The following ADORA2B variants were observed in gnomAD, a reference collection of about 807,000 sequenced individuals.
ADORA2B encodes adenosine receptor A2b.
In ADORA2B, 18 loss-of-function variants were observed where a neutral mutation model predicts 20.8. The observed-to-expected ratio is 0.87, with a 90% CI of 0.60 to 1.29. ADORA2B has a LOEUF of 1.29. ADORA2B is among the 50% of genes most tolerant of loss of function. The pLI is 0.00. For missense variants in ADORA2B, 441 were observed against 422.7 expected (o/e 1.04, Z -0.38); for synonymous variants, 179 against 178.3 (o/e 1.00, Z -0.03).
the ADORA2B span, among the ~76,000 whole-genome samples, chr17:15,895,719 G>T: frequency 1.3e-5 from 2 of 152,202 alleles, no homozygotes; most frequent in Non-Finnish European, 2.9e-5. Context: ...TGTGGCTGCT[G>T]TGTTGGAGAG....
At chr17:15,944,552 C>T (rs1969772735), upstream of ADORA2B, among the ~76,000 whole-genome samples, 2 of 152,022 alleles carry the variant, frequency 1.3e-5, no homozygotes, top group East Asian at 1.9e-4. The surrounding 1 kb of genome is among the most constrained non-coding windows in gnomAD (Gnocchi z 4.8). Context: ...CGCTGAGCCT[C>T]GCTGGGAGGC....
chr17:15,892,641 T>G, the ADORA2B span, among the ~76,000 whole-genome samples: 1 of 147,738 alleles, frequency 6.8e-6, no homozygotes, highest in Admixed American at 6.7e-5. Context: ...CTTTTTTCTT[T>G]TTTTCTTTCT....
At chr17:15,948,879 C>T (rs1168127290) in intron 1 of ADORA2B, among the ~76,000 whole-genome samples, 2 of 151,890 alleles carry the variant, frequency 1.3e-5, no homozygotes, top group Non-Finnish European at 2.9e-5. Flanking sequence ...TAGGAGTTGG[C>T]GGGGGGTTCT....
chr17:15,879,188 C>G, the ADORA2B span, among the ~76,000 whole-genome samples: 1 of 152,160 alleles, frequency 6.6e-6, no homozygotes, highest in Non-Finnish European at 1.5e-5. Context: ...CAGTAGCTCA[C>G]ACCTATAATC....
In ADORA2B at chr17:15,975,282, A is replaced by AGAT. The variant is rs754032994; in HGVS notation, c.941_943dup (p.Asp314dup). ...TCTCCAGGTATCTTCTCTGCCAAGCAGATGTCAAGAGTGGGAATGGTCAGG... is the reference window on the plus strand; with the variant it reads ...TCTCCAGGTATCTTCTCTGCCAAGCAGATGATGTCAAGAGTGGGAATGGTCAGG... On this transcript the variant is annotated inframe_insertion, in exon 2 of 2. Coordinates refer to ENST00000304222, the MANE Select transcript of ADORA2B (RefSeq NM_000676.4). The AGAT allele has an allele frequency of 3.1e-6, 5 of 1,613,576 alleles. No individual in the cohort carries two copies. In the South Asian group the frequency reaches 5.5e-5, roughly 18 times the overall value.
At chr17:15,854,409 G>A in the ADORA2B span, among the ~76,000 whole-genome samples, 1 of 152,214 alleles carries the variant, frequency 6.6e-6, no homozygotes, top group African/African-American at 2.4e-5. Context: ...AATATGTTCA[G>A]TAAAGATTAA....
chr17:15,956,890 G>A (rs567828009), intron 1 of ADORA2B, among the ~76,000 whole-genome samples: 6 of 152,246 alleles, frequency 3.9e-5, no homozygotes, highest in East Asian at 1.9e-4. Flanking sequence ...ATGAGCCACC[G>A]CACCCGGCCT....
chr17:15,891,018 G>A, the ADORA2B span, among the ~76,000 whole-genome samples: 1 of 152,234 alleles, frequency 6.6e-6, no homozygotes, highest in African/African-American at 2.4e-5. Context: ...TGTAATCCCA[G>A]CACTTTGGGA....
the ADORA2B span, among the ~76,000 whole-genome samples, chr17:15,851,711 A>G: frequency 5.3e-5 from 8 of 152,224 alleles, no homozygotes; most frequent in Non-Finnish European, 1.0e-4. Flanking sequence ...CCAGTCTCAT[A>G]TAAGTCAGTA....
chr17:15,901,926 G>A, the ADORA2B span, among the ~76,000 whole-genome samples: 1 of 152,040 alleles, frequency 6.6e-6, no homozygotes, highest in Non-Finnish European at 1.5e-5. Context: ...CAGTTCAGTG[G>A]TATTGAGTCC....
chr17:15,961,164 CAAAA>C (rs60034008), intron 1 of ADORA2B, among the ~76,000 whole-genome samples: 1 of 144,808 alleles, frequency 6.9e-6, no homozygotes, highest in Non-Finnish European at 1.5e-5. Flanking sequence ...GAGACTCTGT[CAAAA>C]AAAAAAAAAG....
At chr17:15,926,910 A>G in the ADORA2B span, among the ~76,000 whole-genome samples, 1 of 151,970 alleles carries the variant, frequency 6.6e-6, no homozygotes, top group Non-Finnish European at 1.5e-5. Context: ...GTTCGAAGCT[A>G]CAGTGAGCCA....
intron 1 of ADORA2B, among the ~76,000 whole-genome samples, chr17:15,968,751 C>T (rs1274889744): frequency 2.6e-5 from 4 of 152,162 alleles, no homozygotes; most frequent in Admixed American, 6.5e-5. Context: ...TTGGCTTCCA[C>T]GTCTGTAAAC....
At chr17:15,906,001 C>A in the ADORA2B span, among the ~76,000 whole-genome samples, 1 of 152,228 alleles carries the variant, frequency 6.6e-6, no homozygotes, top group Non-Finnish European at 1.5e-5. Context: ...CTTTGCTAAA[C>A]CTGCATGTAA....
At chr17:15,923,686 G>A in the ADORA2B span, among the ~76,000 whole-genome samples, 215 of 151,966 alleles carry the variant, frequency 1.4e-3, no homozygotes, top group African/African-American at 5.0e-3. Flanking sequence ...GATTACAAGC[G>A]TGAGCCACCG....
intron 1 of ADORA2B, among the ~76,000 whole-genome samples, chr17:15,948,559 G>T (rs1439242173): frequency 6.6e-6 from 1 of 152,162 alleles, no homozygotes; most frequent in Admixed American, 6.5e-5. Flanking sequence ...CTCCCTGCTT[G>T]AATCCTGTTC....
the ADORA2B span, among the ~76,000 whole-genome samples, chr17:15,939,123 C>T: frequency 1.3e-5 from 2 of 152,278 alleles, no homozygotes; most frequent in Admixed American, 6.5e-5. Flanking sequence ...TCACTGCAAC[C>T]TCCAGCTCCC....
the ADORA2B span, among the ~76,000 whole-genome samples, chr17:15,871,261 G>A: frequency 6.6e-6 from 1 of 152,092 alleles, no homozygotes; most frequent in Non-Finnish European, 1.5e-5. Flanking sequence ...GGAGGGACGC[G>A]TTCTCCCACT....
chr17:15,936,489 T>A, the ADORA2B span, among the ~76,000 whole-genome samples: 4 of 152,084 alleles, frequency 2.6e-5, no homozygotes, highest in Admixed American at 6.5e-5. Context: ...CAGCTAATTT[T>A]GTATTTTTTT....
Sources: gnomAD v4.1 joint callset for allele counts (sites outside exome capture counted in the v4.1 genomes callset) on GRCh38, gnomAD v4.1.1 for gene constraint, Gnocchi (gnomAD v3.1) non-coding constraint, MANE v1.5 for transcripts, NCBI Gene and HGNC (gene_info 2026-07-23, HGNC 2026-07-21) for gene names.